DOCK10: variants seen among roughly 807,000 people sequenced by gnomAD.
DOCK10 encodes the protein dedicator of cytokinesis protein 10.
DOCK10 carries 145 observed loss-of-function variants against 280.1 expected under a neutral mutation model. The observed-to-expected ratio is 0.52, with a 90% CI of 0.45 to 0.59. The LOEUF is 0.59. Ranked by LOEUF, DOCK10 falls within the 20% of genes least tolerant of loss-of-function variation. The probability of loss-of-function intolerance (pLI) is 0.00; values close to 1 mark genes in which losing one functional copy is unlikely to be tolerated. For missense variants in DOCK10, 2,368 were observed against 2,651.7 expected, an observed-to-expected ratio of 0.89 and a Z score of 2.35; for synonymous variants, 915 against 942.2, an observed-to-expected ratio of 0.97 and a Z score of 0.53.
rs576718113 is a variant in DOCK10 at position 224,963,630 on chromosome 2, C to T, written c.124-31962G>A. On this transcript the variant is annotated intron_variant, in intron 1 of 55. Transcript: ENST00000258390. ...TGGCAATTAATGGTATGGCTCAAAC[C>T]TCTTCATGTAAATGACGAGAACGTG... Among the ~76,000 whole-genome samples the T allele has an allele frequency of 5.3e-5, 8 of 152,302 alleles. No homozygotes were observed. The South Asian group carries it at 1.7e-3, about 32-fold the overall frequency.
intron 1 of DOCK10, among the ~76,000 whole-genome samples, chr2:225,033,703 G>A (rs78917708): frequency 1.3e-5 from 2 of 152,146 alleles, no homozygotes; most frequent in East Asian, 3.8e-4. Flanking sequence ...TGAAAGATAA[G>A]AAGCAAACAA....
At chr2:224,963,605 T>C (rs1339064505) in intron 1 of DOCK10, among the ~76,000 whole-genome samples, 1 of 152,208 alleles carries the variant, frequency 6.6e-6, no homozygotes, top group African/African-American at 2.4e-5. Flanking sequence ...GAAATCAGTG[T>C]GGCAATTAAT....
At chr2:224,931,043 C>T (rs781440030) in intron 2 of DOCK10, among the ~76,000 whole-genome samples, 5 of 152,184 alleles carry the variant, frequency 3.3e-5, no homozygotes, top group East Asian at 1.9e-4. Context: ...TATCTGAGAC[C>T]GCCAATCTCT....
intron 1 of DOCK10, among the ~76,000 whole-genome samples, chr2:224,943,910 C>T (rs1703243991): frequency 6.6e-6 from 1 of 152,000 alleles, no homozygotes. Flanking sequence ...ACTACAGGCA[C>T]GTGCCACCAC....
At chr2:224,888,095 A>C (rs1699413749) in intron 4 of DOCK10, among the ~76,000 whole-genome samples, 1 of 152,222 alleles carries the variant, frequency 6.6e-6, no homozygotes, top group South Asian at 2.1e-4. Flanking sequence ...TCGCCAGCTT[A>C]TAAAGATATC....
At chr2:224,813,298 C>T (rs972244096) in intron 31 of DOCK10, among the ~76,000 whole-genome samples, 12 of 152,122 alleles carry the variant, frequency 7.9e-5, no homozygotes, top group East Asian at 3.9e-4. Flanking sequence ...AGGGTTCAAG[C>T]GATTATTGTG....
Position 224,968,034 on chromosome 2 carries a change from C to T in DOCK10, c.124-36366G>A, listed in dbSNP as rs188164604. ...TGGGAAAACATCTAAATGGAAATCA[C>T]GAGCTGAATTTTGAACTGAGTCCTC... is the stretch of plus-strand genomic sequence containing the variant. On this transcript the variant is annotated intron_variant, in intron 1 of 55. Transcript: ENST00000258390. 1.2e-4 allele frequency among the ~76,000 whole-genome samples: 19 copies of T among 152,164 alleles called. No individual in the cohort carries two copies. In the East Asian group the frequency reaches 2.3e-3, roughly 19 times the overall value.
chr2:224,968,271 G>A (rs901399355), intron 1 of DOCK10, among the ~76,000 whole-genome samples: 13 of 152,108 alleles, frequency 8.5e-5, no homozygotes, highest in Non-Finnish European at 1.6e-4. Context: ...TAAAAAGAGC[G>A]CCAGAAAATG....
chr2:224,934,055 A>T (rs887288861), intron 1 of DOCK10, among the ~76,000 whole-genome samples: 3 of 152,142 alleles, frequency 2.0e-5, no homozygotes, highest in Admixed American at 1.3e-4. Flanking sequence ...CCACAGAGAA[A>T]CTAAATCCTA....
chr2:224,853,015 G>A lies in DOCK10; in HGVS notation c.1996C>T (p.Arg666Trp), dbSNP rs775940262. Residue 666 changes from arginine (R) to tryptophan (W), a missense_variant, in exon 17 of 56, where the codon CGG (arginine) becomes TGG (tryptophan). By Grantham distance (101) the Arg-to-Trp change is moderately radical (BLOSUM62 -3). Coordinates refer to ENST00000258390, the MANE Select transcript of DOCK10 (RefSeq NM_014689.3). ...EFVYDSTKYC[R>W]PYRVYKNQIY... The stretch of plus-strand genomic sequence containing the variant: ...TGATTTTTATATACTCTGTAAGGCC[G>A]ACAATACTTTGTTGAATCGTAAACA... 8.1e-6 allele frequency: 13 copies of A among 1,612,286 alleles called. No homozygotes were observed. Among genetic ancestry groups the A allele is most frequent in the Middle Eastern group, 1.6e-4 (1 of 6,076 alleles).
Position 224,856,044 on chromosome 2 carries a change from G to A in DOCK10, c.1808+816C>T, listed in dbSNP as rs183184215. On this transcript the variant is annotated intron_variant, in intron 15 of 55. Transcript: ENST00000258390. ...ACCCTATGTTCAGTGAAGCCTCATTGATAGGTTGGAATCAGCAATGGTAGG... is the reference window on the plus strand; with the variant it reads ...ACCCTATGTTCAGTGAAGCCTCATTAATAGGTTGGAATCAGCAATGGTAGG... Among the ~76,000 whole-genome samples the A allele has an allele frequency of 5.9e-5, 9 of 152,280 alleles. 1 individual carries two copies. The highest frequency in any genetic ancestry group is 2.2e-4 in the African/African-American group (9 of 41,548).
At chr2:224,771,138 C>T (rs373716385) in intron 53 of DOCK10, among the ~76,000 whole-genome samples, 39 of 151,958 alleles carry the variant, frequency 2.6e-4, no homozygotes, top group African/African-American at 6.3e-4. Flanking sequence ...GGAAGGGGGG[C>T]GGTCTCACTA....
intron 1 of DOCK10, among the ~76,000 whole-genome samples, chr2:225,041,962 C>G (rs1246164640): frequency 1.3e-5 from 2 of 152,222 alleles, no homozygotes; most frequent in Non-Finnish European, 2.9e-5. Flanking sequence ...CCCTCGCGCC[C>G]CATTAAAGCC....
intron 1 of DOCK10, among the ~76,000 whole-genome samples, chr2:225,009,640 A>G (rs1046097635): frequency 1.3e-5 from 2 of 148,336 alleles, no homozygotes; most frequent in Non-Finnish European, 3.0e-5. Flanking sequence ...CCCTAAGGCA[A>G]AAAAAAAAAA....
intron 48 of DOCK10, among the ~76,000 whole-genome samples, chr2:224,788,022 A>G (rs1268754204): frequency 2.0e-5 from 3 of 152,172 alleles, no homozygotes; most frequent in Non-Finnish European, 2.9e-5. Flanking sequence ...AGTCCTATCA[A>G]GACTCAGCAC....
intron 11 of DOCK10, among the ~76,000 whole-genome samples, chr2:224,869,501 T>C (rs2125655414): frequency 6.6e-6 from 1 of 152,330 alleles, no homozygotes; most frequent in East Asian, 1.9e-4. Context: ...TAAACACTGA[T>C]TTTTAAAAAA....
chr2:224,921,719 G>C (rs1214722400), intron 2 of DOCK10, among the ~76,000 whole-genome samples: 2 of 152,144 alleles, frequency 1.3e-5, no homozygotes, highest in Non-Finnish European at 2.9e-5. Context: ...CAAGGTATAG[G>C]AAAGAGAATA....
intron 31 of DOCK10, among the ~76,000 whole-genome samples, chr2:224,813,991 C>T (rs1693957983): frequency 6.6e-6 from 1 of 152,148 alleles, no homozygotes; most frequent in Admixed American, 6.5e-5. Context: ...AAAAGACATA[C>T]ATCATATAAA....
At position 224,823,483 on chromosome 2, in the gene DOCK10, G is replaced by T. The variant is rs369628427; in HGVS notation, c.3183+18C>A. The T allele has an allele frequency of 7.1e-6, 11 of 1,557,942 alleles. No homozygotes were observed. The highest frequency in any genetic ancestry group is 8.6e-6 in the Non-Finnish European group (10 of 1,158,182). ...AACATGGGGCCTTGAATAGAACTGC[G>T]ATCTCATATAACTGTACCTTGAGAA... On this transcript the variant is annotated intron_variant, in intron 28 of 55. Transcript: ENST00000258390.
Sources: allele counts gnomAD v4.1 joint callset (sites outside exome capture counted in the v4.1 genomes callset), GRCh38; gene constraint gnomAD v4.1.1; transcripts MANE v1.5; gene names NCBI Gene and HGNC (gene_info 2026-07-23, HGNC 2026-07-21).